FAM13C: variants seen among roughly 807,000 people sequenced by gnomAD.
The protein encoded by FAM13C is protein FAM13C.
FAM13C carries 37 observed loss-of-function variants against 73.2 expected under a neutral mutation model. That is an observed-to-expected ratio of 0.51 (90% CI 0.39 to 0.67). The LOEUF is 0.67. FAM13C is among the 30% of genes least tolerant of loss of function. The pLI is 0.00. For missense variants in FAM13C, 589 were observed against 715.6 expected (o/e 0.82, Z 2.02); for synonymous variants, 246 against 260.9 (o/e 0.94, Z 0.55).
intron 13 of FAM13C, among the ~76,000 whole-genome samples, chr10:59,249,264 C>T (rs1013607433): frequency 6.6e-6 from 1 of 151,864 alleles, no homozygotes; most frequent in Non-Finnish European, 1.5e-5. Context: ...CTTAGCCACG[C>T]GTGGTGGCGT....
At chr10:59,320,656 C>G (rs1371677923) in intron 4 of FAM13C, among the ~76,000 whole-genome samples, 1 of 152,144 alleles carries the variant, frequency 6.6e-6, no homozygotes, top group Non-Finnish European at 1.5e-5. Context: ...GAGTTATGGA[C>G]AGAAAAAGGA....
chr10:59,297,498 T>G (rs551836050), intron 5 of FAM13C, among the ~76,000 whole-genome samples: 2 of 152,200 alleles, frequency 1.3e-5, no homozygotes, highest in African/African-American at 4.8e-5. Flanking sequence ...TTCCATGACC[T>G]GAATATTATA....
chr10:59,249,180 G>A (rs543516958), intron 13 of FAM13C, among the ~76,000 whole-genome samples: 7 of 152,108 alleles, frequency 4.6e-5, no homozygotes, highest in Middle Eastern at 3.4e-3. Context: ...CGAGGCGGGC[G>A]GATCACAAGG....
intron 10 of FAM13C, among the ~76,000 whole-genome samples, chr10:59,258,037 T>C (rs1468522624): frequency 6.6e-6 from 1 of 152,152 alleles, no homozygotes; most frequent in Non-Finnish European, 1.5e-5. Context: ...TAAAAAAGAA[T>C]GCCACAGTGC....
chr10:59,334,458 C>T (rs1184392523), intron 3 of FAM13C, among the ~76,000 whole-genome samples: 4 of 152,200 alleles, frequency 2.6e-5, no homozygotes, highest in Non-Finnish European at 4.4e-5. Context: ...CACATGCACA[C>T]GTATGTTTAT....
rs1840696437 is a variant in FAM13C at position 59,246,237 on chromosome 10, C to A, written c.*1377G>T. ...AGCAACTGTGTACATGTCACGAAAC[C>A]ATTTCCCTTATCAAAGATGTAATTT... On this transcript the variant is annotated 3_prime_UTR_variant, in exon 14 of 14. Coordinates refer to ENST00000618804, the MANE Select transcript of FAM13C (RefSeq NM_198215.4). 1 of 155,494 alleles carries A rather than the reference C, an allele frequency of 6.4e-6. No individual in the cohort carries two copies. The highest frequency in any genetic ancestry group is 1.4e-5 in the Non-Finnish European group (1 of 70,162). 9.6% of individuals were successfully genotyped at this position (155,494 alleles called of 1,614,324 possible).
intron 4 of FAM13C, among the ~76,000 whole-genome samples, chr10:59,303,152 G>C (rs1291360806): frequency 6.6e-6 from 1 of 152,132 alleles, no homozygotes; most frequent in Non-Finnish European, 1.5e-5. Flanking sequence ...CTTGCTCCCT[G>C]TTCAAACCTT....
intron 3 of FAM13C, among the ~76,000 whole-genome samples, chr10:59,335,930 A>G (rs1005897832): frequency 3.2e-4 from 48 of 152,362 alleles, no homozygotes; most frequent in African/African-American, 1.1e-3. Context: ...TTAAGTGATG[A>G]TTTAGAGAGA....
chr10:59,266,877 C>G (rs1282301118), intron 8 of FAM13C, among the ~76,000 whole-genome samples: 4 of 152,160 alleles, frequency 2.6e-5, no homozygotes, highest in Non-Finnish European at 5.9e-5. Context: ...CATGGAGTAG[C>G]CTATTTAAAT....
intron 7 of FAM13C, 113 bp downstream of exon 7, chr10:59,269,786 G>T: frequency 8.0e-7 from 1 of 1,257,518 alleles, no homozygotes; most frequent in Non-Finnish European, 1.1e-6. Context: ...CAGTCTCGCA[G>T]TTGCGTTAGG....
chr10:59,320,309 T>C (rs1850045850), intron 4 of FAM13C, among the ~76,000 whole-genome samples: 1 of 152,168 alleles, frequency 6.6e-6, no homozygotes, highest in African/African-American at 2.4e-5. Flanking sequence ...CAGATACACC[T>C]GTAGGACACC....
At chr10:59,316,435 C>A (rs1251448705) in intron 4 of FAM13C, among the ~76,000 whole-genome samples, 2 of 152,128 alleles carry the variant, frequency 1.3e-5, no homozygotes, top group Non-Finnish European at 2.9e-5. Flanking sequence ...CTTTAGATTT[C>A]ATTACATAAA....
At chr10:59,349,805 A>C (rs1854793645) in intron 3 of FAM13C, among the ~76,000 whole-genome samples, 1 of 152,078 alleles carries the variant, frequency 6.6e-6, no homozygotes, top group African/African-American at 2.4e-5. Flanking sequence ...CTACCAAGGA[A>C]AATTTTATGT....
rs559287315 is a variant in FAM13C at position 59,336,886 on chromosome 10, C to T, written c.325-12780G>A. 1.1e-4 allele frequency among the ~76,000 whole-genome samples: 16 copies of T among 152,302 alleles called. No homozygotes were observed. The East Asian group carries it at 1.2e-3, about 11-fold the overall frequency. ...GCCCTTACAATCCAGCCTCTACAAA[C>T]TTCCTGTCTATCTTCCATCACCCCA... On this transcript the variant is annotated intron_variant, in intron 3 of 13. Transcript: ENST00000618804.
At chr10:59,316,402 A>G (rs921575022) in intron 4 of FAM13C, among the ~76,000 whole-genome samples, 60 of 152,364 alleles carry the variant, frequency 3.9e-4, no homozygotes, top group African/African-American at 1.2e-3. Context: ...TATAAATCCT[A>G]TAAGTAACTG....
chr10:59,301,493 A>G (rs1847592738), intron 5 of FAM13C, among the ~76,000 whole-genome samples: 1 of 152,220 alleles, frequency 6.6e-6, no homozygotes, highest in South Asian at 2.1e-4. Flanking sequence ...GCTTTTCACA[A>G]CTGAGATTTG....
chr10:59,264,212 G>T, intron 8 of FAM13C, 46 bp from the exon 9 acceptor site: 1 of 1,083,018 alleles, frequency 9.2e-7, no homozygotes, highest in Non-Finnish European at 1.4e-6. Context: ...GGGAAGGAGG[G>T]AGAGGGTGGG....
Position 59,324,052 on chromosome 10 carries a change from G to T in FAM13C, c.379C>A (p.Pro127Thr). The T allele has an allele frequency of 6.2e-7, 1 of 1,614,074 alleles. No homozygotes were observed. The highest frequency in any genetic ancestry group is 2.2e-5 in the East Asian group (1 of 44,874). ...QSECQVRAGT[P>T]AHESPQNNAF... ...TTGTTTTGTGGACTCTCATGAGCTGGTGTTCCTGCTCTCACCTGACACTCT... is the reference window on the plus strand; with the variant it reads ...TTGTTTTGTGGACTCTCATGAGCTGTTGTTCCTGCTCTCACCTGACACTCT... The change falls in exon 4 of 14, where the codon CCA (proline) becomes ACA (threonine). Residue 127 changes from proline to threonine, a missense_variant. Transcript: ENST00000618804.
intron 11 of FAM13C, chr10:59,253,884 A>G (rs1373122125): frequency 6.4e-6 from 1 of 155,058 alleles, no homozygotes; most frequent in Non-Finnish European, 1.4e-5. Flanking sequence ...TATATTTTCT[A>G]TTGAAATAAA....
Sources: gnomAD v4.1 joint callset for allele counts (sites outside exome capture counted in the v4.1 genomes callset) on GRCh38, gnomAD v4.1.1 for gene constraint, MANE v1.5 for transcripts, NCBI Gene and HGNC (gene_info 2026-07-23, HGNC 2026-07-21) for gene names.